CD53: variants seen among roughly 807,000 people sequenced by gnomAD.
CD53 encodes CD53 molecule.
CD53 carries 20 observed loss-of-function variants against 27.3 expected under a neutral mutation model. That is an observed-to-expected ratio of 0.73 (90% CI 0.52 to 1.07). The LOEUF (loss-of-function observed/expected upper bound fraction) is 1.07. CD53 is among the 50% of genes least tolerant of loss of function. The pLI is 0.00. For missense variants in CD53, 216 were observed against 264.0 expected, an observed-to-expected ratio of 0.82 and a Z score of 1.26; for synonymous variants, 106 against 105.3, an observed-to-expected ratio of 1.01 and a Z score of -0.04.
At chr1:110,898,811 G>A (rs1657179658) in intron 7 of CD53, among the ~76,000 whole-genome samples, 1 of 152,150 alleles carries the variant, frequency 6.6e-6, no homozygotes, top group Non-Finnish European at 1.5e-5. Context: ...CATGGATAGA[G>A]ATAACTCATT....
intron 2 of CD53, 77 bp downstream of exon 2, chr1:110,891,548 C>G: frequency 9.1e-7 from 1 of 1,101,554 alleles, no homozygotes; most frequent in Admixed American, 1.7e-5. Context: ...ACTGAAGAGG[C>G]TGGTGTGGGG....
chr1:110,896,536 A>G, intron 5 of CD53, 117 bp from the exon 6 acceptor site: 1 of 912,120 alleles, frequency 1.1e-6, no homozygotes, highest in Non-Finnish European at 1.8e-6. Context: ...AATCAGACCA[A>G]TTCTGGACTT....
intron 7 of CD53, 138 bp downstream of exon 7, chr1:110,898,030 T>A: frequency 2.0e-6 from 1 of 512,082 alleles, no homozygotes; most frequent in Non-Finnish European, 3.5e-6. Context: ...CCCAGCCAAG[T>A]AGCAAATAAT....
chr1:110,891,346 A>G, intron 1 of CD53, 46 bp from the exon 2 acceptor site: 5 of 1,285,376 alleles, frequency 3.9e-6, no homozygotes. Flanking sequence ...ATCTCTGGCT[A>G]CCTTACAGAG....
In CD53 at chr1:110,884,589, A is replaced by G. The variant is rs911230192; in HGVS notation, c.-17-6803A>G. ...ATTCAAGTATAACTTATACTTGTCT[A>G]TATCTTCTTTCAGTTCTGTTCATTT... On this transcript the variant is annotated intron_variant, in intron 1 of 7. Transcript: ENST00000271324. Among the ~76,000 whole-genome samples the G allele has an allele frequency of 2.6e-5, 4 of 152,068 alleles. 1 individual carries two copies. Among genetic ancestry groups the G allele is most frequent in the Non-Finnish European group, 1.5e-5 (1 of 67,940 alleles).
chr1:110,873,976 T>C (rs116357289), intron 1 of CD53, among the ~76,000 whole-genome samples: 23 of 152,344 alleles, frequency 1.5e-4, no homozygotes, highest in African/African-American at 5.1e-4. Context: ...CAAAACTTGA[T>C]ACTGCAGTAA....
At chr1:110,895,556 A>G (rs1657025498) in intron 5 of CD53, among the ~76,000 whole-genome samples, 2 of 152,192 alleles carry the variant, frequency 1.3e-5, no homozygotes, top group African/African-American at 2.4e-5. Flanking sequence ...TTGCACCAGT[A>G]TAATCTATTT....
At chr1:110,890,613 G>A (rs1445016823) in intron 1 of CD53, among the ~76,000 whole-genome samples, 3 of 143,536 alleles carry the variant, frequency 2.1e-5, no homozygotes, top group African/African-American at 2.5e-5. Flanking sequence ...AAAGGAAAGC[G>A]AAAAGGAAAA....
intron 1 of CD53, among the ~76,000 whole-genome samples, chr1:110,885,571 A>G (rs1252640744): frequency 2.0e-5 from 3 of 151,050 alleles, no homozygotes; most frequent in African/African-American, 7.3e-5. Context: ...CAACAAAAAA[A>G]GAGATTTAAG....
chr1:110,884,365 T>C (rs994318088), intron 1 of CD53, among the ~76,000 whole-genome samples: 13 of 152,130 alleles, frequency 8.5e-5, no homozygotes, highest in African/African-American at 2.7e-4. Context: ...CTAAATTTGT[T>C]GAAACTTGAT....
In CD53 at chr1:110,895,022, C is replaced by T. The variant is rs759177287; in HGVS notation, c.390C>T (p.Ser130=). 2 of 1,613,912 alleles carry T rather than the reference C, an allele frequency of 1.2e-6. No individual in the cohort carries two copies. Among genetic ancestry groups the T allele is most frequent in the Non-Finnish European group, 1.7e-6 (2 of 1,179,834 alleles). Residue 130 remains serine (S), a synonymous_variant, in exon 5 of 8, where the codon AGC becomes AGT. Coordinates refer to ENST00000271324, the MANE Select transcript of CD53 (RefSeq NM_000560.4). Reference sequence around the variant, plus strand: ...TCCACCGTTACCACTCAGACAATAGCACCAAGGCAGCGTGGGACTCCATCC... The same window carrying T: ...TCCACCGTTACCACTCAGACAATAGTACCAAGGCAGCGTGGGACTCCATCC... ...DSIHRYHSDN[S]TKAAWDSIQS...
In CD53 at chr1:110,875,283, T is replaced by C. The variant is rs1050007302; in HGVS notation, c.-18+2035T>C. ...ACATGAAGTGGAAAGCCCTTTCTCC[T>C]ACTTGGCACCAGAAAGTGGAGGGCA... is the stretch of plus-strand genomic sequence containing the variant. On this transcript the variant is annotated intron_variant, in intron 1 of 7. Coordinates refer to ENST00000271324, the MANE Select transcript of CD53 (RefSeq NM_000560.4). Among the ~76,000 whole-genome samples, 12 of 152,262 alleles carry C rather than the reference T, an allele frequency of 7.9e-5. No individual in the cohort carries two copies. In the East Asian group the frequency reaches 2.3e-3, roughly 29 times the overall value.
At chr1:110,890,001 TACA>T (rs1292639079) in intron 1 of CD53, among the ~76,000 whole-genome samples, 2 of 152,216 alleles carry the variant, frequency 1.3e-5, no homozygotes, top group Admixed American at 1.3e-4. Flanking sequence ...ATTTGGTGTT[TACA>T]ACAGAGAAAT....
chr1:110,876,520 T>C (rs964855648), intron 1 of CD53, among the ~76,000 whole-genome samples: 2 of 152,190 alleles, frequency 1.3e-5, no homozygotes, highest in East Asian at 1.9e-4. Context: ...GAGAACTAGA[T>C]TGAGGAATAG....
intron 1 of CD53, among the ~76,000 whole-genome samples, chr1:110,888,575 C>A (rs922370222): frequency 2.6e-5 from 4 of 152,050 alleles, no homozygotes; most frequent in Non-Finnish European, 5.9e-5. Flanking sequence ...AATCTGGTCC[C>A]TGTTAATCCA....
At chr1:110,894,904 T>G in intron 4 of CD53, 56 bp from the exon 5 acceptor site, 1 of 1,343,176 alleles carries the variant, frequency 7.4e-7, no homozygotes. Context: ...AATTCCTTAT[T>G]CCTTGAACTC....
At chr1:110,881,051 T>C (rs1274260836) in intron 1 of CD53, among the ~76,000 whole-genome samples, 1 of 152,192 alleles carries the variant, frequency 6.6e-6, no homozygotes, top group East Asian at 1.9e-4. Flanking sequence ...TGCTAAATTT[T>C]AAAGTATAAT....
intron 1 of CD53, among the ~76,000 whole-genome samples, chr1:110,882,861 T>C (rs1656412593): frequency 6.6e-6 from 1 of 152,070 alleles, no homozygotes; most frequent in African/African-American, 2.4e-5. Context: ...TGATTTCTAA[T>C]GGTTACTAGT....
chr1:110,896,295 G>C (rs998788942), intron 5 of CD53, among the ~76,000 whole-genome samples: 1 of 152,144 alleles, frequency 6.6e-6, no homozygotes, highest in African/African-American at 2.4e-5. Flanking sequence ...CTGTTGCATC[G>C]TGTAAGCAGG....
Sources: allele counts gnomAD v4.1 joint callset (sites outside exome capture counted in the v4.1 genomes callset), GRCh38; gene constraint gnomAD v4.1.1; transcripts MANE v1.5; gene names NCBI Gene and HGNC (gene_info 2026-07-23, HGNC 2026-07-21).